FAM169A: variants seen among roughly 807,000 people sequenced by gnomAD.
FAM169A encodes soluble lamin-associated protein of 75 kDa.
Under a neutral mutation model 75.7 loss-of-function variants are expected in FAM169A, and 24 were observed. The ratio of observed to expected loss-of-function variants is 0.32; its 90% CI spans 0.23 to 0.45. The LOEUF (loss-of-function observed/expected upper bound fraction) is 0.45. Ranked by LOEUF, FAM169A falls within the 20% of genes least tolerant of loss-of-function variation. The pLI is 1.00. For missense variants in FAM169A, 673 were observed against 784.0 expected (o/e 0.86, Z 1.69); for synonymous variants, 271 against 271.0 (o/e 1.00, Z 0.00).
intron 4 of FAM169A, among the ~76,000 whole-genome samples, chr5:74,835,263 G>A (rs1160394722): frequency 6.6e-6 from 1 of 152,074 alleles, no homozygotes; most frequent in African/African-American, 2.4e-5. Context: ...TGGTCACAGG[G>A]ACCGCACCAA....
intron 4 of FAM169A, among the ~76,000 whole-genome samples, chr5:74,835,601 C>CA (rs35800429): frequency 0.19 from 11,101 of 58,362 alleles, 1,191 homozygotes; most frequent in African/African-American, 0.28. Flanking sequence ...GACTGTGTCT[C>CA]AAAAAAAAAA....
Position 74,866,312 on chromosome 5 carries a change from C to T in FAM169A, c.-151G>A. The T allele has an allele frequency of 1.0e-6, 1 of 984,402 alleles. No individual in the cohort carries two copies. Among genetic ancestry groups the T allele is most frequent in the Non-Finnish European group, 1.2e-6 (1 of 829,550 alleles). The allele number at this position is 984,402 out of a possible 1,614,324, so 61.0% of individuals were successfully genotyped here. A position where few individuals can be genotyped will look rare whatever the true frequency, so the allele number is the denominator to read the frequency against. On this transcript the variant is annotated 5_prime_UTR_variant, in exon 1 of 13. Coordinates refer to ENST00000687041, the MANE Select transcript of FAM169A (RefSeq NM_001376049.1). The stretch of plus-strand genomic sequence containing the variant: ...CTGCCAGGGCGAGTGCGGCTGCCTC[C>T]CGCTCGCCCCGGACGCCCGGCTCCT...
chr5:74,799,728 T>G, intron 10 of FAM169A: 1 of 1,178,442 alleles, frequency 8.5e-7, no homozygotes, highest in Non-Finnish European at 1.3e-6. Context: ...GAAGACGGAG[T>G]TCCAGCTGCT....
intron 1 of FAM169A, among the ~76,000 whole-genome samples, chr5:74,850,802 T>A (rs1391938695): frequency 1.3e-5 from 2 of 152,198 alleles, no homozygotes; most frequent in South Asian, 2.1e-4. Context: ...GTGTTTTTTT[T>A]AAAAGCTAAG....
chr5:74,794,070 T>C (rs1746125781), intron 11 of FAM169A, among the ~76,000 whole-genome samples: 1 of 149,460 alleles, frequency 6.7e-6, no homozygotes, highest in Admixed American at 6.7e-5. Context: ...AGGGTGGGTA[T>C]GGTGGGTCAT....
chr5:74,822,076 G>A (rs1415869020), intron 5 of FAM169A, among the ~76,000 whole-genome samples: 2 of 152,144 alleles, frequency 1.3e-5, no homozygotes, highest in Non-Finnish European at 2.9e-5. Context: ...GCCTTCTTAA[G>A]GCTGAGCACA....
chr5:74,783,154 G>A lies in FAM169A; in HGVS notation c.1261-20C>T, dbSNP rs774594308. The A allele has an allele frequency of 3.8e-6, 6 of 1,565,212 alleles. No homozygotes were observed. Among genetic ancestry groups the A allele is most frequent in the African/African-American group, 1.4e-5 (1 of 73,418 alleles). On this transcript the variant is annotated intron_variant, in intron 11 of 12. Transcript: ENST00000687041. ...AGATTCCTACACCATGAGGAGAGAGGGAAAAAGTAAGGACATGATTACAAA... is the reference window on the plus strand; with the variant it reads ...AGATTCCTACACCATGAGGAGAGAGAGAAAAAGTAAGGACATGATTACAAA...
intron 3 of FAM169A, 106 bp from the exon 4 acceptor site, chr5:74,839,156 GTATC>G (rs1324858275): frequency 5.1e-6 from 4 of 789,170 alleles, no homozygotes; most frequent in Non-Finnish European, 8.5e-6. Context: ...ATATTTAAGA[GTATC>G]TATATAAACC....
intron 4 of FAM169A, 100 bp downstream of exon 4, chr5:74,838,865 T>G (rs1397299510): frequency 3.5e-6 from 3 of 857,188 alleles, no homozygotes; most frequent in Non-Finnish European, 5.9e-6. Flanking sequence ...TATAACCTGA[T>G]TATTTTTAAA....
chr5:74,797,193 T>C (rs532363024), intron 10 of FAM169A, among the ~76,000 whole-genome samples: 50 of 152,288 alleles, frequency 3.3e-4, no homozygotes, highest in African/African-American at 1.1e-3. Context: ...GTTTTTGTTT[T>C]TGAGACAGGG....
At chr5:74,862,083 T>A (rs938443862) in intron 1 of FAM169A, among the ~76,000 whole-genome samples, 2 of 152,182 alleles carry the variant, frequency 1.3e-5, no homozygotes, top group African/African-American at 4.8e-5. Flanking sequence ...CTCTAGCCCC[T>A]CCTCTGTCAC....
Position 74,805,173 on chromosome 5 carries a change from T to C in FAM169A, c.782A>G (p.Glu261Gly). ...ACTCTTACCTAGAATTTTAAGTGCT[T>C]CTCTTTGTAATGCTCTGGTGACTGG... The part of the protein sequence containing the change: ...RIPVTRALQR[E>G]ALKILALSQN... The change falls in exon 7 of 13, where the codon GAA becomes GGA. Residue 261 changes from glutamate to glycine, a missense_variant. Glu to Gly is a moderately conservative substitution (Grantham distance 98, BLOSUM62 -2). Coordinates refer to ENST00000687041, the MANE Select transcript of FAM169A (RefSeq NM_001376049.1). 1 of 1,613,912 alleles carries C rather than the reference T, an allele frequency of 6.2e-7. No individual in the cohort carries two copies. The highest frequency in any genetic ancestry group is 8.5e-7 in the Non-Finnish European group (1 of 1,179,860).
chr5:74,826,789 A>G (rs1335251246), intron 5 of FAM169A, among the ~76,000 whole-genome samples: 2 of 152,228 alleles, frequency 1.3e-5, no homozygotes, highest in Admixed American at 1.3e-4. Context: ...TAATACTGTT[A>G]GCTAAACTAC....
chr5:74,781,580 T>C lies in FAM169A; in HGVS notation c.1893A>G (p.Lys631=), dbSNP rs781105582. 6.2e-7 allele frequency: 1 copy of C among 1,614,178 alleles called. No individual in the cohort carries two copies. ...QLDQFTQSAE[K]AVDSSSEEIE... ...TTTCCTCTGAGCTGCTATCCACAGC[T>C]TTTTCTGCCGATTGTGTAAACTGAT... The change falls in exon 13 of 13, where the codon AAA becomes AAG. Residue 631 remains lysine (K), a synonymous_variant. Coordinates refer to ENST00000687041, the MANE Select transcript of FAM169A (RefSeq NM_001376049.1).
At chr5:74,826,593 CAAT>C (rs1393279802) in intron 5 of FAM169A, among the ~76,000 whole-genome samples, 1 of 152,126 alleles carries the variant, frequency 6.6e-6, no homozygotes. Context: ...AAGTTTCAAT[CAAT>C]AATTACAGAA....
At chr5:74,784,509 T>TAAAAA (rs1745572111) in intron 11 of FAM169A, among the ~76,000 whole-genome samples, 8 of 28,766 alleles carry the variant, frequency 2.8e-4, no homozygotes, top group Non-Finnish European at 3.5e-4. Flanking sequence ...AGACTCCGTC[T>TAAAAA]CAAAAAAAAA....
chr5:74,812,785 T>C (rs1747270889), intron 6 of FAM169A, among the ~76,000 whole-genome samples: 1 of 152,220 alleles, frequency 6.6e-6, no homozygotes, highest in Non-Finnish European at 1.5e-5. Flanking sequence ...CTAGGATGCC[T>C]GTAATAAAAT....
chr5:74,783,346 C>T (rs911032504), intron 11 of FAM169A, among the ~76,000 whole-genome samples: 3 of 152,192 alleles, frequency 2.0e-5, no homozygotes, highest in Admixed American at 2.0e-4. Context: ...GTACCCCGTA[C>T]TCCCACTGCT....
chr5:74,858,113 C>T (rs62367765), intron 1 of FAM169A, among the ~76,000 whole-genome samples: 11 of 151,878 alleles, frequency 7.2e-5, no homozygotes, highest in African/African-American at 2.7e-4. Flanking sequence ...CAAGGCCAGG[C>T]GCGGTGGCTC....
Sources: gnomAD v4.1 joint callset for allele counts (sites outside exome capture counted in the v4.1 genomes callset) on GRCh38, gnomAD v4.1.1 for gene constraint, MANE v1.5 for transcripts, NCBI Gene and HGNC (gene_info 2026-07-23, HGNC 2026-07-21) for gene names.